PGPEP1: variants seen among roughly 807,000 people sequenced by gnomAD.
PGPEP1 encodes the protein pyroglutamyl-peptidase I.
A neutral mutation model predicts 24.1 loss-of-function variants in PGPEP1; 15 were observed. The ratio of observed to expected loss-of-function variants is 0.62; its 90% confidence interval spans 0.42 to 0.96. The LOEUF (loss-of-function observed/expected upper bound fraction) is 0.96. PGPEP1 is among the 40% of genes least tolerant of loss of function. The pLI is 0.00. For missense variants in PGPEP1, 242 were observed against 273.4 expected (o/e 0.89, Z 0.81); for synonymous variants, 122 against 116.4 (o/e 1.05, Z -0.31).
intron 2 of PGPEP1, among the ~76,000 whole-genome samples, chr19:18,353,253 C>T (rs7250410): frequency 0.93 from 139,712 of 150,970 alleles, 64,855 homozygotes; most frequent in South Asian, 0.98. Context: ...GGCCTTGCCC[C>T]GTTGCCCAGG....
Position 18,340,690 on chromosome 19 carries a change from G to A in PGPEP1, c.9G>A (p.Gln3=). The part of the protein sequence containing the change: ME[Q]PRKAVVVTGF... The stretch of plus-strand genomic sequence containing the variant: ...CACAGCCCGATCCCGCCATGGAGCA[G>A]CCGAGGAAGGCGGTGGTAGTGACGG... The change falls in exon 1 of 5, where the codon CAG becomes CAA. Residue 3 remains glutamine (Q), a synonymous_variant. Coordinates refer to ENST00000269919, the MANE Select transcript of PGPEP1 (RefSeq NM_017712.4). 1 of 1,542,300 alleles carries A rather than the reference G, an allele frequency of 6.5e-7. No homozygotes were observed. Among genetic ancestry groups the A allele is most frequent in the East Asian group, 2.7e-5 (1 of 37,350 alleles).
At chr19:18,351,624 CAAAAA>C (rs538291645) in intron 2 of PGPEP1, among the ~76,000 whole-genome samples, 7 of 78,112 alleles carry the variant, frequency 9.0e-5, no homozygotes, top group Admixed American at 1.4e-4. Context: ...AACTCCGTCT[CAAAAA>C]AAAAAAAAAA....
rs780700352 is a variant in PGPEP1, at chr19:18,369,183, ACT to A, written c.*5603_*5604del. 2 of 151,682 alleles carry A rather than the reference ACT, an allele frequency of 1.3e-5. No homozygotes were observed. The highest frequency in any genetic ancestry group is 2.9e-5 in the Non-Finnish European group (2 of 67,984). 9.4% of individuals were successfully genotyped at this position (151,682 alleles called of 1,614,324 possible). On this transcript the variant is annotated 3_prime_UTR_variant, in exon 5 of 5. Transcript: ENST00000269919. ...GGACGCTGAACATACCTGCTGAGAG[ACT>A]CTGTCCCCTGGTTTCCAGGACAGTT...
At chr19:18,351,056 G>A (rs1217219629) in intron 2 of PGPEP1, among the ~76,000 whole-genome samples, 2 of 152,128 alleles carry the variant, frequency 1.3e-5, no homozygotes, top group East Asian at 1.9e-4. Context: ...GGCGGATCAT[G>A]AGGTCAGGAG....
At position 18,363,759 on chromosome 19, in the gene PGPEP1, C is replaced by T. The variant is rs938680859; in HGVS notation, c.*176C>T. On this transcript the variant is annotated 3_prime_UTR_variant, in exon 5 of 5. Coordinates refer to ENST00000269919, the MANE Select transcript of PGPEP1 (RefSeq NM_017712.4). ...TTCTCTACAAAAGCTCCGGTTGATT[C>T]GAGGGAAGTGGTGAAAATTTTTTTT... The T allele has an allele frequency of 6.1e-5, 31 of 505,306 alleles. No individual in the cohort carries two copies. The highest frequency in any genetic ancestry group is 5.3e-4 in the Middle Eastern group (1 of 1,892). 31.3% of individuals were successfully genotyped at this position (505,306 alleles called of 1,614,324 possible). A position where few individuals can be genotyped will look rare whatever the true frequency, so the allele number is the denominator to read the frequency against.
chr19:18,351,624 CAA>C (rs538291645), intron 2 of PGPEP1, among the ~76,000 whole-genome samples: 26 of 78,116 alleles, frequency 3.3e-4, no homozygotes, highest in Admixed American at 4.2e-4. Context: ...AACTCCGTCT[CAA>C]AAAAAAAAAA....
intron 2 of PGPEP1, among the ~76,000 whole-genome samples, chr19:18,346,633 CTTTTTTTTTTTTT>C (rs775309565): frequency 2.5e-5 from 2 of 79,476 alleles, no homozygotes; most frequent in African/African-American, 1.0e-4. Flanking sequence ...CTGTTTCTCT[CTTTTTTTTTTTTT>C]TTTTTTTTTT....
chr19:18,363,490 C>T lies in PGPEP1; in HGVS notation c.537C>T (p.Asp179=). The change falls in exon 5 of 5, where the codon GAC becomes GAT. Residue 179 remains aspartate (D), a synonymous_variant. Transcript: ENST00000269919. ...VPPLGKPYNA[D]QLGRALRAII... Reference sequence around the variant, plus strand: ...CACTGGGGAAGCCGTACAACGCGGACCAGCTGGGCAGGGCACTGAGAGCCA... The same window carrying T: ...CACTGGGGAAGCCGTACAACGCGGATCAGCTGGGCAGGGCACTGAGAGCCA... 6.2e-7 allele frequency: 1 copy of T among 1,614,212 alleles called. No homozygotes were observed. Among genetic ancestry groups the T allele is most frequent in the Non-Finnish European group, 8.5e-7 (1 of 1,180,032 alleles).
rs1292689953 is a variant in PGPEP1, at chr19:18,363,351, G to A, written c.438-40G>A. 4.5e-6 allele frequency: 7 copies of A among 1,562,932 alleles called. No individual in the cohort carries two copies. In the African/African-American group the frequency reaches 5.4e-5, roughly 12 times the overall value. On this transcript the variant is annotated intron_variant, in intron 4 of 4. Coordinates refer to ENST00000269919, the MANE Select transcript of PGPEP1 (RefSeq NM_017712.4). ...GTCTACGGATTGCCCCTCTGACCCC[G>A]TTTTGGTCTCTCTCTTACCCGCCAC...
intron 2 of PGPEP1, among the ~76,000 whole-genome samples, chr19:18,352,219 C>T (rs1971049281): frequency 7.2e-6 from 1 of 138,744 alleles, no homozygotes; most frequent in Admixed American, 8.1e-5. Context: ...TTGCAGTGAG[C>T]CAAGATTGCG....
chr19:18,357,081 T>C (rs1971205167), intron 3 of PGPEP1, among the ~76,000 whole-genome samples: 1 of 152,224 alleles, frequency 6.6e-6, no homozygotes, highest in Non-Finnish European at 1.5e-5. Flanking sequence ...AACACTTGCA[T>C]AGCAGCTCAT....
At chr19:18,347,922 G>A (rs186351934) in intron 2 of PGPEP1, among the ~76,000 whole-genome samples, 39 of 152,270 alleles carry the variant, frequency 2.6e-4, no homozygotes, top group Admixed American at 2.2e-3. Context: ...ATGAGCCACC[G>A]CGCCCGGCCT....
At chr19:18,349,239 T>A (rs1040602688) in intron 2 of PGPEP1, among the ~76,000 whole-genome samples, 3 of 152,120 alleles carry the variant, frequency 2.0e-5, no homozygotes, top group African/African-American at 7.2e-5. Context: ...TGGAGGGCAG[T>A]GGTGCAATCT....
intron 2 of PGPEP1, 79 bp downstream of exon 2, chr19:18,342,990 C>A: frequency 7.4e-6 from 8 of 1,076,458 alleles, no homozygotes; most frequent in South Asian, 6.7e-5. Context: ...AGAAGGTCCC[C>A]TTTTAACAAA....
chr19:18,341,051 A>T (rs2144520062), intron 1 of PGPEP1, among the ~76,000 whole-genome samples: 1 of 152,090 alleles, frequency 6.6e-6, no homozygotes, highest in African/African-American at 2.4e-5. Context: ...TGCGGGCTGG[A>T]CTGGACCCTT....
intron 2 of PGPEP1, among the ~76,000 whole-genome samples, chr19:18,343,409 A>G (rs1302182136): frequency 1.3e-5 from 2 of 152,102 alleles, no homozygotes; most frequent in Non-Finnish European, 2.9e-5. Flanking sequence ...CCAACAACCC[A>G]TGCATAGTAC....
At chr19:18,352,681 G>A (rs1397281467) in intron 2 of PGPEP1, among the ~76,000 whole-genome samples, 3 of 151,506 alleles carry the variant, frequency 2.0e-5, no homozygotes, top group Non-Finnish European at 2.9e-5. Context: ...TCAGCCTCCC[G>A]AGTAGCTGGG....
intron 4 of PGPEP1, among the ~76,000 whole-genome samples, chr19:18,359,718 C>T (rs1054746176): frequency 2.0e-5 from 3 of 151,998 alleles, no homozygotes; most frequent in Non-Finnish European, 4.4e-5. Context: ...ATATTGGCCA[C>T]ACCAGGGTGG....
chr19:18,347,135 T>G (rs1970872295), intron 2 of PGPEP1, among the ~76,000 whole-genome samples: 1 of 150,904 alleles, frequency 6.6e-6, no homozygotes, highest in Non-Finnish European at 1.5e-5. Flanking sequence ...ATTGAACGAG[T>G]GAGGTGAGCA....
Sources: gnomAD v4.1 joint callset for allele counts (sites outside exome capture counted in the v4.1 genomes callset) on GRCh38, gnomAD v4.1.1 for gene constraint, MANE v1.5 for transcripts, NCBI Gene and HGNC (gene_info 2026-07-23, HGNC 2026-07-21) for gene names.